Variants in TGFBR3 observed in about 807,000 individuals in gnomAD.
TGFBR3 encodes transforming growth factor beta receptor 3.
Under a neutral mutation model 87.9 loss-of-function variants are expected in TGFBR3, and 46 were observed. That is an observed-to-expected ratio of 0.52 (90% CI 0.41 to 0.67). TGFBR3 has a LOEUF of 0.67. Ranked by LOEUF, TGFBR3 falls within the 30% of genes least tolerant of loss-of-function variation. The probability of loss-of-function intolerance (pLI) is 0.00; values close to 1 mark genes in which losing one functional copy is unlikely to be tolerated. For synonymous variants in TGFBR3, 381 were observed against 391.6 expected (o/e 0.97, Z 0.32); for missense variants, 866 against 1,041.9 (o/e 0.83, Z 2.32).
intron 3 of TGFBR3, among the ~76,000 whole-genome samples, chr1:91,795,724 C>T (rs1487897585): frequency 6.6e-6 from 1 of 152,150 alleles, no homozygotes; most frequent in Non-Finnish European, 1.5e-5. Context: ...ATTTCCTCCT[C>T]TCCTCCTTTC....
chr1:91,703,200 T>C lies in TGFBR3; in HGVS notation c.2288-5070A>G, dbSNP rs1006264919. Among the ~76,000 whole-genome samples the C allele has an allele frequency of 3.9e-5, 6 of 152,162 alleles. No homozygotes were observed. In the East Asian group the frequency reaches 9.6e-4, roughly 24 times the overall value. ...AGTTTCCCCTCACCTCGACCTCAGC[T>C]CGAGGACAAAACCTGGCTGGTCCTT... On this transcript the variant is annotated intron_variant, in intron 14 of 16. Transcript: ENST00000212355.
chr1:91,874,598 A>G (rs1678713008), intron 1 of TGFBR3, among the ~76,000 whole-genome samples: 1 of 152,122 alleles, frequency 6.6e-6, no homozygotes, highest in African/African-American at 2.4e-5. Flanking sequence ...CCTGGGTTCA[A>G]GCGATTCTCC....
intron 1 of TGFBR3, among the ~76,000 whole-genome samples, chr1:91,885,253 C>T (rs1679248006): frequency 1.3e-5 from 2 of 152,038 alleles, no homozygotes; most frequent in Non-Finnish European, 2.9e-5. Context: ...GGGGCAAATG[C>T]CCTAATAAGA....
At chr1:91,729,078 CA>C (rs1672656952) in intron 6 of TGFBR3, among the ~76,000 whole-genome samples, 2 of 94,356 alleles carry the variant, frequency 2.1e-5, no homozygotes, top group Non-Finnish European at 2.1e-5. Flanking sequence ...ACACACACAC[CA>C]AGCACACAAG....
At chr1:91,710,041 C>G (rs963921203) in intron 13 of TGFBR3, among the ~76,000 whole-genome samples, 1 of 152,186 alleles carries the variant, frequency 6.6e-6, no homozygotes, top group Non-Finnish European at 1.5e-5. Flanking sequence ...CATGAGCCCA[C>G]GCCCAGCCTA....
rs77505650 is a variant in TGFBR3 at position 91,843,872 on chromosome 1, A to G, written c.61+17599T>C. On this transcript the variant is annotated intron_variant, in intron 2 of 16. Coordinates refer to ENST00000212355, the MANE Select transcript of TGFBR3 (RefSeq NM_003243.5). ...CCCTAAATAAAGGTGCAGCAACCCA[A>G]CAAAGTTACTCTTCATCTTGATAAA... 6.6e-5 allele frequency among the ~76,000 whole-genome samples: 10 copies of G among 152,336 alleles called. No homozygotes were observed. The East Asian group carries it at 1.5e-3, about 23-fold the overall frequency.
chr1:91,884,718 A>G (rs1233600137), intron 1 of TGFBR3, among the ~76,000 whole-genome samples: 1 of 152,260 alleles, frequency 6.6e-6, no homozygotes, highest in Non-Finnish European at 1.5e-5. Flanking sequence ...GTGAGGATTA[A>G]GTGCACACAG....
rs778134022 is a variant in TGFBR3, at chr1:91,681,926, C to G, written c.*1813G>C. The G allele has an allele frequency of 2.2e-5, 10 of 451,448 alleles. No individual in the cohort carries two copies. Among genetic ancestry groups the G allele is most frequent in the East Asian group, 1.4e-4 (2 of 14,378 alleles). 28.0% of individuals were successfully genotyped at this position (451,448 alleles called of 1,614,324 possible). The stretch of plus-strand genomic sequence containing the variant: ...AAAAAAAAATTAAAGGAAAAAAATT[C>G]TCTAAACTCATGTCTTCTTCGTTTG... On this transcript the variant is annotated 3_prime_UTR_variant, in exon 17 of 17. Transcript: ENST00000212355.
intron 2 of TGFBR3, among the ~76,000 whole-genome samples, chr1:91,842,423 C>T (rs951102726): frequency 3.9e-5 from 6 of 152,174 alleles, no homozygotes; most frequent in Admixed American, 1.3e-4. Flanking sequence ...GTTCTCCTGT[C>T]CCCCACTGGT....
intron 6 of TGFBR3, among the ~76,000 whole-genome samples, chr1:91,728,815 C>A (rs1347337252): frequency 3.9e-5 from 6 of 152,136 alleles, no homozygotes; most frequent in Non-Finnish European, 8.8e-5. Context: ...TTTCAAGTCA[C>A]TAGTCCAGAT....
chr1:91,704,349 A>G (rs1486121633), intron 14 of TGFBR3, among the ~76,000 whole-genome samples: 2 of 151,612 alleles, frequency 1.3e-5, no homozygotes, highest in African/African-American at 4.8e-5. Flanking sequence ...AAAAAGAAAG[A>G]AAGAAAGAAA....
intron 2 of TGFBR3, among the ~76,000 whole-genome samples, chr1:91,858,864 T>C (rs1678067787): frequency 6.6e-6 from 1 of 151,950 alleles, no homozygotes; most frequent in African/African-American, 2.4e-5. Flanking sequence ...GAGACCAGCC[T>C]GGCCAACATG....
At chr1:91,819,370 AAAAAAAAAAAATCCC>A in intron 2 of TGFBR3, among the ~76,000 whole-genome samples, 1 of 78,264 alleles carries the variant, frequency 1.3e-5, no homozygotes, top group South Asian at 4.7e-4. Context: ...TCCGTCTGGG[AAAAAAAAAAAATCCC>A]GACCATCATC....
At chr1:91,749,573 A>T (rs1673465123) in intron 4 of TGFBR3, among the ~76,000 whole-genome samples, 1 of 152,170 alleles carries the variant, frequency 6.6e-6, no homozygotes, top group Admixed American at 6.5e-5. Context: ...GATAATGTGG[A>T]CTCGAGGTGC....
rs370905311 is a variant in TGFBR3 at position 91,904,411 on chromosome 1, CT to C, written c.-175+1414del. On this transcript the variant is annotated intron_variant, in intron 1 of 17. Transcript: ENST00000370399. Reference sequence around the variant, plus strand: ...TGAGCACATTACTAAACCTAAAATTCTTTTTTTTTTTTTCTTGCTCTGTCGC... The same window carrying C: ...TGAGCACATTACTAAACCTAAAATTCTTTTTTTTTTTTCTTGCTCTGTCGC... Among the ~76,000 whole-genome samples, 604 of 133,574 alleles carry C rather than the reference CT, an allele frequency of 4.5e-3. 7 individuals are homozygous for C. In the East Asian group the frequency reaches 0.047, roughly 10 times the overall value. 87.6% of individuals were successfully genotyped at this position (133,574 alleles called of 152,430 possible).
rs557726077 is a variant in TGFBR3 at position 91,896,331 on chromosome 1, G to A, written c.-114+3306C>T. 2.0e-5 allele frequency among the ~76,000 whole-genome samples: 3 copies of A among 152,316 alleles called. No homozygotes were observed. The South Asian group carries it at 6.2e-4, about 32-fold the overall frequency. On this transcript the variant is annotated intron_variant, in intron 2 of 17. Transcript: ENST00000370399. ...GATGGGTACCCACAGTTAAGAGGTT[G>A]AGGCAATTAGTAATGTTTGCAACAA...
chr1:91,782,383 G>C (rs1674804672), intron 3 of TGFBR3, among the ~76,000 whole-genome samples: 3 of 152,168 alleles, frequency 2.0e-5, no homozygotes, highest in Admixed American at 1.3e-4. Context: ...GCTTGGCAAG[G>C]CTAGGAGACA....
chr1:91,836,506 C>T (rs1219559349), intron 2 of TGFBR3, among the ~76,000 whole-genome samples: 1 of 152,114 alleles, frequency 6.6e-6, no homozygotes, highest in African/African-American at 2.4e-5. Flanking sequence ...GCAGCTGGCT[C>T]TTAACGTCTA....
In TGFBR3 at chr1:91,734,792, A is replaced by C; in HGVS notation, c.552T>G (p.Tyr184Ter). The change falls in exon 5 of 17, where the codon TAT (tyrosine) becomes TAG (stop). Residue 184 changes from tyrosine to a stop codon, truncating the protein, a stop_gained. Coordinates refer to ENST00000212355, the MANE Select transcript of TGFBR3 (RefSeq NM_003243.5). LOFTEE classifies it high-confidence loss of function. ...FTELKIARNIYIKVGEDQVFP... is the reference protein window; with the variant it reads ...FTELKIARNI ...AAAATTTACCTTCCCCCACTTTAATATAAATGTTTCTTGCTATCTTGAGTT... is the reference window on the plus strand; with the variant it reads ...AAAATTTACCTTCCCCCACTTTAATCTAAATGTTTCTTGCTATCTTGAGTT... 2 of 1,614,206 alleles carry C rather than the reference A, an allele frequency of 1.2e-6. No individual in the cohort carries two copies. Among genetic ancestry groups the C allele is most frequent in the Non-Finnish European group, 8.5e-7 (1 of 1,180,018 alleles).
Sources: gnomAD v4.1 joint callset for allele counts (sites outside exome capture counted in the v4.1 genomes callset) on GRCh38, gnomAD v4.1.1 for gene constraint, MANE v1.5 for transcripts, NCBI Gene and HGNC (gene_info 2026-07-23, HGNC 2026-07-21) for gene names.